AP4M1: variants seen among roughly 807,000 people sequenced by gnomAD.
AP4M1 encodes the protein adaptor related protein complex 4 subunit mu 1, also known as AP-4 complex subunit mu-1.
Under a neutral mutation model 62.4 loss-of-function variants are expected in AP4M1, and 58 were observed. The observed-to-expected ratio is 0.93, with a 90% CI of 0.75 to 1.16. The LOEUF (loss-of-function observed/expected upper bound fraction) is 1.16, where lower values mean the gene tolerates loss of function less well. Ranked by LOEUF, AP4M1 falls within the 50% of genes most tolerant of loss-of-function variation. AP4M1 has a pLI of 0.00. For synonymous variants in AP4M1, 290 were observed against 239.7 expected (o/e 1.21, Z -1.94); for missense variants, 626 against 585.4 (o/e 1.07, Z -0.72).
intron 14 of AP4M1, 41 bp from the exon 15 acceptor site, chr7:100,106,617 C>G (rs991385955): frequency 2.9e-5 from 46 of 1,596,354 alleles, no homozygotes; most frequent in Non-Finnish European, 3.9e-5. Context: ...GCGTGGTCAG[C>G]TTCTTGCCCT....
At position 100,108,010 on chromosome 7, in the gene AP4M1, T is replaced by C; in HGVS notation, c.*1128T>C. 1 of 1,613,954 alleles carries C rather than the reference T, an allele frequency of 6.2e-7. No individual in the cohort carries two copies. Among genetic ancestry groups the C allele is most frequent in the South Asian group, 1.1e-5 (1 of 91,062 alleles). On this transcript the variant is annotated 3_prime_UTR_variant, in exon 15 of 15. Coordinates refer to ENST00000359593, the MANE Select transcript of AP4M1 (RefSeq NM_004722.4). ...GGGAAGGCTGTGGTGGGGCAGCCGCTCGTGCAGACACCAGTGTCTGGACAG... is the reference window on the plus strand; with the variant it reads ...GGGAAGGCTGTGGTGGGGCAGCCGCCCGTGCAGACACCAGTGTCTGGACAG...
chr7:100,101,432 A>G (rs1035399221), upstream of AP4M1: 27 of 1,210,276 alleles, frequency 2.2e-5, no homozygotes, highest in African/African-American at 3.6e-4. Context: ...GACCGGCGCC[A>G]CTGCGTGCGG....
chr7:100,106,477 G>C lies in AP4M1; in HGVS notation c.1100G>C (p.Arg367Pro). Residue 367 changes from arginine to proline, a missense_variant, in exon 14 of 15, where the codon CGG becomes CCG. Physicochemically the swap from Arg to Pro is moderately radical, Grantham distance 103. Coordinates refer to ENST00000359593, the MANE Select transcript of AP4M1 (RefSeq NM_004722.4). ...AEGALRWDLPRVQGGSQLSGL... is the reference protein window; with the variant it reads ...AEGALRWDLPPVQGGSQLSGL... ...GGAGCCCTTCGCTGGGACCTGCCTCGGGTGCAAGGAGGCTCTCAACTCTCA... is the reference window on the plus strand; with the variant it reads ...GGAGCCCTTCGCTGGGACCTGCCTCCGGTGCAAGGAGGCTCTCAACTCTCA... The C allele has an allele frequency of 6.2e-7, 1 of 1,613,738 alleles. No homozygotes were observed. The highest frequency in any genetic ancestry group is 8.5e-7 in the Non-Finnish European group (1 of 1,180,012).
chr7:100,102,969 C>G lies in AP4M1; in HGVS notation c.351+9C>G, dbSNP rs745857202. On this transcript the variant is annotated intron_variant, in intron 4 of 14. Transcript: ENST00000359593. ...TCCTGGATGAAGTGCTGGTGAGAAT[C>G]AACAATCCCCTTCTGTGGCCCCTAC... 2.8e-5 allele frequency: 45 copies of G among 1,605,892 alleles called. No individual in the cohort carries two copies. The highest frequency in any genetic ancestry group is 3.7e-5 in the Non-Finnish European group (44 of 1,174,402).
chr7:100,108,135 A>C lies in AP4M1; in HGVS notation c.*1253A>C. ...AGCGTGGGCCGGGGCTGCGGGGAGA[A>C]GAGGAAAGGGGGAAGTGGCACCATC... On this transcript the variant is annotated 3_prime_UTR_variant, in exon 15 of 15. Coordinates refer to ENST00000359593, the MANE Select transcript of AP4M1 (RefSeq NM_004722.4). 1 of 1,585,492 alleles carries C rather than the reference A, an allele frequency of 6.3e-7. No individual in the cohort carries two copies. Among genetic ancestry groups the C allele is most frequent in the Non-Finnish European group, 8.5e-7 (1 of 1,169,852 alleles).
At position 100,108,086 on chromosome 7, in the gene AP4M1, G is replaced by A; in HGVS notation, c.*1204G>A. On this transcript the variant is annotated 3_prime_UTR_variant, in exon 15 of 15. Transcript: ENST00000359593. ...CAGCAAGCCAGGGGTGCGAGGGCCA[G>A]GCTGTGGGGCCTGCGAGAGGGTCAG... is the stretch of plus-strand genomic sequence containing the variant. 18 of 1,610,484 alleles carry A rather than the reference G, an allele frequency of 1.1e-5. No individual in the cohort carries two copies. Among genetic ancestry groups the A allele is most frequent in the Non-Finnish European group, 1.5e-5 (18 of 1,179,108 alleles).
chr7:100,106,426 C>T lies in AP4M1; in HGVS notation c.1049C>T (p.Pro350Leu). ...AGCCTGTCTCAGGAGCTGAGCAGCC[C>T]AGAGCAGAAGGCTGAGCTGGCAGAG... ...VVSLSQELSS[P>L]EQKAELAEGA... Residue 350 changes from proline (P) to leucine (L), a missense_variant, in exon 14 of 15, where the codon CCA (proline) becomes CTA (leucine). By Grantham distance (98) the Pro-to-Leu change is moderately conservative. Transcript: ENST00000359593. The T allele has an allele frequency of 6.2e-7, 1 of 1,613,844 alleles. No individual in the cohort carries two copies. The highest frequency in any genetic ancestry group is 8.5e-7 in the Non-Finnish European group (1 of 1,180,040).
Position 100,108,263 on chromosome 7 carries a change from T to TGA in AP4M1, c.*1384_*1385dup. On this transcript the variant is annotated 3_prime_UTR_variant, in exon 15 of 15. Transcript: ENST00000359593. ...ATCCTCACTCAGGGCCTGGTTGCCC[T>TGA]GAGACTACTGACTGAGGGCACATGT... The TGA allele has an allele frequency of 6.8e-7, 1 of 1,474,154 alleles. No homozygotes were observed. The highest frequency in any genetic ancestry group is 1.3e-5 in the South Asian group (1 of 74,754). The allele number at this position is 1,474,154 out of a possible 1,614,324, so 91.3% of individuals were successfully genotyped here.
chr7:100,107,392 G>T lies in AP4M1; in HGVS notation c.*510G>T, dbSNP rs975863232. 1.3e-6 allele frequency: 2 copies of T among 1,598,790 alleles called. No homozygotes were observed. The highest frequency in any genetic ancestry group is 1.7e-4 in the Middle Eastern group (1 of 5,980). ...AGTGGGGACGGGGACGATGCCGGGG[G>T]AGGAACTGGAGAAGGATGGGAGGTG... On this transcript the variant is annotated 3_prime_UTR_variant, in exon 15 of 15. Coordinates refer to ENST00000359593, the MANE Select transcript of AP4M1 (RefSeq NM_004722.4).
Position 100,106,925 on chromosome 7 carries a change from C to A in AP4M1, c.*43C>A. 6.3e-7 allele frequency: 1 copy of A among 1,583,346 alleles called. No individual in the cohort carries two copies. The highest frequency in any genetic ancestry group is 1.1e-5 in the South Asian group (1 of 89,312). On this transcript the variant is annotated 3_prime_UTR_variant, in exon 15 of 15. Transcript: ENST00000359593. ...CACGACGGCCAAGGTGGCAGTTTGT[C>A]CCACGGGAGGACAGTCGTTTCTTTT...
chr7:100,106,822 C>A lies in AP4M1; in HGVS notation c.1302C>A (p.Ala434=). The change falls in exon 15 of 15, where the codon GCC becomes GCA. Residue 434 remains alanine (A), a synonymous_variant. Coordinates refer to ENST00000359593, the MANE Select transcript of AP4M1 (RefSeq NM_004722.4). ...LRLAFRPCGN[A]NPHKWVRHLS... is the part of the protein sequence containing the mutation. The stretch of plus-strand genomic sequence containing the variant: ...TGGCCTTCAGGCCATGCGGCAATGC[C>A]AACCCCCACAAGTGGGTGCGACACC... 2 of 1,614,052 alleles carry A rather than the reference C, an allele frequency of 1.2e-6. No individual in the cohort carries two copies. The highest frequency in any genetic ancestry group is 1.7e-6 in the Non-Finnish European group (2 of 1,180,054).
At position 100,107,372 on chromosome 7, in the gene AP4M1, G is replaced by A; in HGVS notation, c.*490G>A. 1.9e-6 allele frequency: 3 copies of A among 1,585,130 alleles called. No individual in the cohort carries two copies. Among genetic ancestry groups the A allele is most frequent in the Non-Finnish European group, 2.6e-6 (3 of 1,162,510 alleles). On this transcript the variant is annotated 3_prime_UTR_variant, in exon 15 of 15. Transcript: ENST00000359593. Reference sequence around the variant, plus strand: ...CACAAAGGGCACTGCCGCTGAGTGGGGACGGGGACGATGCCGGGGGAGGAA... The same window carrying A: ...CACAAAGGGCACTGCCGCTGAGTGGAGACGGGGACGATGCCGGGGGAGGAA...
intron 6 of AP4M1, 27 bp downstream of exon 6, chr7:100,103,719 C>A (rs754306559): frequency 6.2e-7 from 1 of 1,606,876 alleles, no homozygotes; most frequent in South Asian, 1.1e-5. Context: ...TGGGGTCAGA[C>A]GCTCTGGTTT....
intron 7 of AP4M1, 128 bp downstream of exon 7, chr7:100,104,282 C>A: frequency 2.4e-6 from 2 of 820,248 alleles, no homozygotes; most frequent in Non-Finnish European, 4.1e-6. Flanking sequence ...CTTTGGGAGG[C>A]CGAGGTGGGA....
In AP4M1 at chr7:100,106,791, T is replaced by C. The variant is rs777120660; in HGVS notation, c.1271T>C (p.Leu424Pro). 1.2e-6 allele frequency: 2 copies of C among 1,614,072 alleles called. No homozygotes were observed. The highest frequency in any genetic ancestry group is 3.3e-4 in the Middle Eastern group (2 of 6,062). ...TGCTCTGGCCTCCAGGTCCGATTCC[T>C]CAGGCTGGCCTTCAGGCCATGCGGC... ...HTCSGLQVRFLRLAFRPCGNA... is the reference protein window; with the variant it reads ...HTCSGLQVRFPRLAFRPCGNA... The change falls in exon 15 of 15, where the codon CTC becomes CCC. Residue 424 changes from leucine (L) to proline (P), a missense_variant. Leu to Pro is a moderately conservative substitution (Grantham distance 98, BLOSUM62 -3). Transcript: ENST00000359593.
At position 100,106,838 on chromosome 7, in the gene AP4M1, G is replaced by C. The variant is rs775699151; in HGVS notation, c.1318G>C (p.Val440Leu). 1.4e-5 allele frequency: 22 copies of C among 1,613,816 alleles called. No homozygotes were observed. The Admixed American group carries it at 3.0e-4, about 22-fold the overall frequency. The change falls in exon 15 of 15, where the codon GTG becomes CTG. Residue 440 changes from valine to leucine, a missense_variant. Transcript: ENST00000359593. The stretch of plus-strand genomic sequence containing the variant: ...CGGCAATGCCAACCCCCACAAGTGG[G>C]TGCGACACCTAAGCCACAGCGACGC... ...PCGNANPHKW[V>L]RHLSHSDAYV...
upstream of AP4M1, chr7:100,101,364 C>G: frequency 6.2e-7 from 1 of 1,602,054 alleles, no homozygotes; most frequent in Non-Finnish European, 8.5e-7. Context: ...CTGAGAATCT[C>G]CGCGCGGTGG....
upstream of AP4M1, chr7:100,101,287 A>T (rs771112156): frequency 2.2e-5 from 36 of 1,613,132 alleles, 1 homozygote; most frequent in Middle Eastern, 1.8e-3. Context: ...GTAGTCCTTC[A>T]GTGCCATCGC....
chr7:100,102,716 C>T lies in AP4M1; in HGVS notation c.189C>T (p.Gly63=), dbSNP rs367614875. 5.6e-6 allele frequency: 9 copies of T among 1,614,020 alleles called. No homozygotes were observed. The highest frequency in any genetic ancestry group is 1.3e-5 in the African/African-American group (1 of 74,924). ...GRHFIHIRHS[G]LYLVVTTSEN... ...ATTTCATTCACATCAGACACAGCGGCCTCTATTTGGTGGTCACAACTTCAG... is the reference window on the plus strand; with the variant it reads ...ATTTCATTCACATCAGACACAGCGGTCTCTATTTGGTGGTCACAACTTCAG... Residue 63 remains glycine, a synonymous_variant, in exon 3 of 15, where the codon GGC becomes GGT. Coordinates refer to ENST00000359593, the MANE Select transcript of AP4M1 (RefSeq NM_004722.4).
Sources: gnomAD v4.1 joint callset for allele counts on GRCh38, gnomAD v4.1.1 for gene constraint, MANE v1.5 for transcripts, NCBI Gene and HGNC (gene_info 2026-07-23, HGNC 2026-07-21) for gene names.